The following LPAR6 variants were observed in gnomAD, a reference collection of about 807,000 sequenced individuals.
LPAR6 encodes the protein G-protein coupled purinergic receptor P2Y5.
A neutral mutation model predicts 22.0 loss-of-function variants in LPAR6; 17 were observed. That is an observed-to-expected ratio of 0.77 (90% CI 0.53 to 1.16). The LOEUF (loss-of-function observed/expected upper bound fraction) is 1.16. Among genes scored for constraint, LPAR6 ranks in the 50% most tolerant of loss-of-function variants. The pLI, the probability that LPAR6 is intolerant of heterozygous loss-of-function variation, is 0.00. For synonymous variants in LPAR6, 136 were observed against 139.8 expected, an observed-to-expected ratio of 0.97 and a Z score of 0.19; for missense variants, 384 against 406.9, an observed-to-expected ratio of 0.94 and a Z score of 0.48.
intron 1 of LPAR6, among the ~76,000 whole-genome samples, chr13:48,394,904 C>A (rs1948636163): frequency 6.6e-6 from 1 of 152,228 alleles, no homozygotes; most frequent in South Asian, 2.1e-4. Context: ...TGCTAAGGGA[C>A]AGACTGTCTC....
chr13:48,428,900 A>G (rs1366127340), upstream of LPAR6, among the ~76,000 whole-genome samples: 1 of 152,232 alleles, frequency 6.6e-6, no homozygotes, highest in East Asian at 1.9e-4. Context: ...CAGTTAAAGT[A>G]AACACTTATT....
downstream of LPAR6, among the ~76,000 whole-genome samples, chr13:48,406,983 C>T (rs1230508907): frequency 1.3e-5 from 2 of 152,186 alleles, no homozygotes; most frequent in Non-Finnish European, 1.5e-5. Context: ...TCTTACAGTT[C>T]CTCAGTTTCC....
chr13:48,394,506 GA>G (rs1322587736), intron 1 of LPAR6, among the ~76,000 whole-genome samples: 1 of 152,220 alleles, frequency 6.6e-6, no homozygotes, highest in Non-Finnish European at 1.5e-5. Flanking sequence ...CCACTGGCTT[GA>G]AATTCTCGCT....
intron 1 of LPAR6, among the ~76,000 whole-genome samples, chr13:48,442,855 T>C (rs1219434945): frequency 6.6e-6 from 1 of 152,254 alleles, no homozygotes; most frequent in East Asian, 1.9e-4. Context: ...ATATTTTACA[T>C]ATTGCACTTT....
intron 1 of LPAR6, among the ~76,000 whole-genome samples, chr13:48,437,242 G>C (rs1226345582): frequency 6.6e-6 from 1 of 152,184 alleles, no homozygotes; most frequent in Admixed American, 6.5e-5. Flanking sequence ...CAGTTAATTT[G>C]AGTAGATAAG....
At position 48,412,378 on chromosome 13, in the gene LPAR6, T is replaced by C; in HGVS notation, c.46A>G (p.Lys16Glu). 6.2e-7 allele frequency: 1 copy of C among 1,614,030 alleles called. No individual in the cohort carries two copies. Among genetic ancestry groups the C allele is most frequent in the Non-Finnish European group, 8.5e-7 (1 of 1,179,900 alleles). ...AACATGCACCCATACAAAGTGTACT[T>C]AAAGGAGTCATTATAGAAGCAGTGG... ...SSHCFYNDSF[K>E]YTLYGCMFSM... Residue 16 changes from lysine to glutamate, a missense_variant, in exon 1 of 1, where the codon AAG (lysine) becomes GAG (glutamate). Transcript: ENST00000620633.
Position 48,412,043 on chromosome 13 carries a change from T to TTG in LPAR6, c.380_381insCA (p.Arg128LysfsTer16). The TTG allele has an allele frequency of 1.2e-6, 2 of 1,613,540 alleles. No individual in the cohort carries two copies. Among genetic ancestry groups the TTG allele is most frequent in the Non-Finnish European group, 1.7e-6 (2 of 1,179,730 alleles). On this transcript the variant is annotated frameshift_variant, in exon 1 of 1. Transcript: ENST00000620633. LOFTEE classifies it high-confidence loss of function. The stretch of plus-strand genomic sequence containing the variant: ...CAATCTTTGCATTTCTTTTGGTTCT[T>TTG]AGAGTCTTTGACTTAAATGGGTAGA...
At chr13:48,411,049 G>A (rs1414915848), downstream of LPAR6, 1 of 155,766 alleles carries the variant, frequency 6.4e-6, no homozygotes, top group Non-Finnish European at 1.4e-5. Context: ...AAATAATTTA[G>A]TAAATTAAAT....
At chr13:48,440,940 G>A (rs1949230905) in intron 1 of LPAR6, among the ~76,000 whole-genome samples, 3 of 152,160 alleles carry the variant, frequency 2.0e-5, no homozygotes, top group African/African-American at 7.2e-5. Flanking sequence ...TAATTAAAAT[G>A]TAGGGAAGAA....
chr13:48,406,509 CT>C (rs1246706543), downstream of LPAR6: 1 of 152,176 alleles, frequency 6.6e-6, no homozygotes, highest in Non-Finnish European at 1.5e-5. Context: ...ACAAATGCAT[CT>C]CTACCCTGTA....
chr13:48,418,240 GA>G (rs1948947123), intron 2 of LPAR6, among the ~76,000 whole-genome samples: 1 of 150,392 alleles, frequency 6.6e-6, no homozygotes, highest in Non-Finnish European at 1.5e-5. Flanking sequence ...CATTCTTAAA[GA>G]AAGGAATTTT....
At chr13:48,415,611 C>G (rs1291393168), upstream of LPAR6, 1 of 152,066 alleles carries the variant, frequency 6.6e-6, no homozygotes, top group Non-Finnish European at 1.5e-5. Context: ...GTTTGAGTTA[C>G]TGGGGCTTAA....
chr13:48,409,540 CTTT>C (rs1948771657), downstream of LPAR6, among the ~76,000 whole-genome samples: 1 of 98,118 alleles, frequency 1.0e-5, no homozygotes, highest in Admixed American at 9.4e-5. Context: ...AGAAGGCATT[CTTT>C]TTTAGTTAAC....
chr13:48,406,466 C>A (rs1165361151), downstream of LPAR6: 1 of 152,062 alleles, frequency 6.6e-6, no homozygotes, highest in Non-Finnish European at 1.5e-5. Context: ...AAATATAGTT[C>A]TTGTTGTGAT....
At chr13:48,409,114 T>C (rs2138192666), downstream of LPAR6, among the ~76,000 whole-genome samples, 1 of 151,782 alleles carries the variant, frequency 6.6e-6, no homozygotes, top group South Asian at 2.1e-4. Flanking sequence ...CCATGGTTAG[T>C]ATCTTCACTA....
At chr13:48,423,337 C>T (rs999345136) in intron 1 of LPAR6, among the ~76,000 whole-genome samples, 5 of 151,912 alleles carry the variant, frequency 3.3e-5, no homozygotes, top group Non-Finnish European at 5.9e-5. Context: ...TGCAGTGGCG[C>T]GATCTCGGCT....
rs577712214 is a variant in LPAR6 at position 48,434,297 on chromosome 13, A to T, written c.-1473-10178T>A. On this transcript the variant is annotated intron_variant, in intron 1 of 6. Transcript: ENST00000378434. ...ATCTCTCTCCATTTAATAAATAAAT[A>T]AATAAAATTATTCTTCAGTGAATCT... is the stretch of plus-strand genomic sequence containing the variant. 3.5e-4 allele frequency among the ~76,000 whole-genome samples: 53 copies of T among 152,192 alleles called. 3 individuals carry two copies. The South Asian group carries it at 0.01, about 29-fold the overall frequency.
In LPAR6 at chr13:48,412,462, C is replaced by T. The variant is rs1445064362; in HGVS notation, c.-39G>A. Reference sequence around the variant, plus strand: ...CCAATTTTCAGTTTGGAAGCACTTTCATCAGCTGCAGTCTCCTTTGGGATT... The same window carrying T: ...CCAATTTTCAGTTTGGAAGCACTTTTATCAGCTGCAGTCTCCTTTGGGATT... On this transcript the variant is annotated 5_prime_UTR_variant, in exon 1 of 1. The change abolishes an upstream ATG in the 5' untranslated region. Coordinates refer to ENST00000620633, the MANE Select transcript of LPAR6 (RefSeq NM_001162498.3). 1.5e-6 allele frequency: 2 copies of T among 1,333,312 alleles called. No homozygotes were observed. Among genetic ancestry groups the T allele is most frequent in the Non-Finnish European group, 1.1e-6 (1 of 923,884 alleles). 82.6% of individuals were successfully genotyped at this position (1,333,312 alleles called of 1,614,324 possible).
downstream of LPAR6, among the ~76,000 whole-genome samples, chr13:48,408,965 G>A (rs776115955): frequency 1.3e-5 from 2 of 152,006 alleles, no homozygotes; most frequent in Non-Finnish European, 2.9e-5. Flanking sequence ...CAGTAGATTG[G>A]TAGTTGCTTC....
Sources: gnomAD v4.1 joint callset for allele counts (sites outside exome capture counted in the v4.1 genomes callset) on GRCh38, gnomAD v4.1.1 for gene constraint, MANE v1.5 for transcripts, NCBI Gene and HGNC (gene_info 2026-07-23, HGNC 2026-07-21) for gene names.